Variants in ITGA8 observed in about 807,000 individuals in gnomAD.
ITGA8 encodes integrin subunit alpha 8, also known as integrin alpha-8.
Under a neutral mutation model 142.3 loss-of-function variants are expected in ITGA8, and 91 were observed. That is an observed-to-expected ratio of 0.64 (90% confidence interval 0.54 to 0.76). The LOEUF is 0.76. ITGA8 is among the 30% of genes least tolerant of loss of function. The pLI is 0.00. For missense variants in ITGA8, 1,406 were observed against 1,327.7 expected, an observed-to-expected ratio of 1.06 and a Z score of -0.92; for synonymous variants, 505 against 485.2, an observed-to-expected ratio of 1.04 and a Z score of -0.54.
intron 2 of ITGA8, among the ~76,000 whole-genome samples, chr10:15,698,697 A>G (rs548913080): frequency 2.0e-5 from 3 of 152,180 alleles, no homozygotes; most frequent in African/African-American, 7.2e-5. Context: ...CTTCTTGGCC[A>G]TTTGTATATC....
rs1014919798 is a variant in ITGA8, at chr10:15,688,302, C to A, written c.344-264G>T. Among the ~76,000 whole-genome samples the A allele has an allele frequency of 1.7e-3, 196 of 112,688 alleles. No individual in the cohort carries two copies. Among genetic ancestry groups the A allele is most frequent in the Middle Eastern group, 5.0e-3 (1 of 200 alleles). 73.9% of individuals were successfully genotyped at this position (112,688 alleles called of 152,430 possible). A position where few individuals can be genotyped will look rare whatever the true frequency, so the allele number is the denominator to read the frequency against. On this transcript the variant is annotated intron_variant, in intron 2 of 29. Transcript: ENST00000378076. ...AAACCCTGTCTCTACCAAAAAATAC[C>A]AAAAAAAAAAAAAAAAAAAAATGCT...
intron 23 of ITGA8, among the ~76,000 whole-genome samples, chr10:15,578,390 G>C (rs1834338008): frequency 6.6e-6 from 1 of 152,096 alleles, no homozygotes; most frequent in Non-Finnish European, 1.5e-5. Context: ...GATGTACCAT[G>C]ATTTGTTTAA....
rs1301588815 is a variant in ITGA8 at position 15,608,232 on chromosome 10, T to A, written c.1609+3A>T. On this transcript the variant is annotated splice_donor_region_variant and intron_variant, in intron 16 of 29. Transcript: ENST00000378076. ...AAGAATGTAAAAATGAAAACATGCT[T>A]ACCTATTGTGTTTGCAATGCTCTGG... 5 of 1,590,060 alleles carry A rather than the reference T, an allele frequency of 3.1e-6. No individual in the cohort carries two copies. In the Admixed American group the frequency reaches 8.8e-5, roughly 28 times the overall value.
chr10:15,637,467 T>C (rs1454163823), intron 13 of ITGA8, among the ~76,000 whole-genome samples: 1 of 151,984 alleles, frequency 6.6e-6, no homozygotes, highest in Non-Finnish European at 1.5e-5. Context: ...ACTCAGGTAA[T>C]CCGATTTTCC....
chr10:15,573,849 C>T (rs7910914), intron 24 of ITGA8, among the ~76,000 whole-genome samples: 18,145 of 151,804 alleles, frequency 0.12, 1,835 homozygotes, highest in East Asian at 0.29. Context: ...GGAATAACTA[C>T]TCTTTACTGC....
chr10:15,609,197 A>G (rs1036044341), intron 15 of ITGA8, among the ~76,000 whole-genome samples: 6 of 152,090 alleles, frequency 3.9e-5, no homozygotes, highest in African/African-American at 1.4e-4. Context: ...TGTTGAATGA[A>G]AGTGCTCACC....
chr10:15,642,032 G>T (rs1285971000), intron 13 of ITGA8, among the ~76,000 whole-genome samples: 1 of 152,180 alleles, frequency 6.6e-6, no homozygotes, highest in Non-Finnish European at 1.5e-5. Flanking sequence ...GGAGGCTGAG[G>T]CAGGAGGACC....
intron 28 of ITGA8, among the ~76,000 whole-genome samples, chr10:15,530,046 T>C (rs774419681): frequency 6.6e-5 from 10 of 152,206 alleles, no homozygotes; most frequent in Non-Finnish European, 1.3e-4. Context: ...AATCCTAATA[T>C]TGTTTTTTGG....
intron 13 of ITGA8, among the ~76,000 whole-genome samples, chr10:15,643,359 A>G (rs1469547027): frequency 3.9e-5 from 6 of 152,286 alleles, no homozygotes; most frequent in Middle Eastern, 3.4e-3. Context: ...GGCTCAGTGC[A>G]GCCTCCGCCT....
chr10:15,651,106 A>G (rs1450361275), intron 11 of ITGA8, among the ~76,000 whole-genome samples: 5 of 152,200 alleles, frequency 3.3e-5, no homozygotes, highest in Admixed American at 3.3e-4. Flanking sequence ...GGTTAGAAAC[A>G]ATGGTAGTGC....
chr10:15,542,842 C>G (rs571118124), intron 27 of ITGA8, among the ~76,000 whole-genome samples: 1 of 152,300 alleles, frequency 6.6e-6, no homozygotes, highest in Admixed American at 6.5e-5. Context: ...CATTCATATA[C>G]AAGCATGTAT....
At position 15,534,910 on chromosome 10, in the gene ITGA8, C is replaced by A. The variant is rs572324531; in HGVS notation, c.2881-3759G>T. 2.6e-5 allele frequency among the ~76,000 whole-genome samples: 4 copies of A among 152,340 alleles called. No homozygotes were observed. The South Asian group carries it at 8.3e-4, about 32-fold the overall frequency. ...CAGCCCGCGGCTGCACTGTGGGAGC[C>A]CCTTCCTGGGCTGGCCGAGGCCGGA... is the stretch of plus-strand genomic sequence containing the variant. On this transcript the variant is annotated intron_variant, in intron 27 of 29. Coordinates refer to ENST00000378076, the MANE Select transcript of ITGA8 (RefSeq NM_003638.3).
rs987141638 is a variant in ITGA8, at chr10:15,516,161, C to T, written c.*997G>A. On this transcript the variant is annotated 3_prime_UTR_variant, in exon 30 of 30. Transcript: ENST00000378076. The stretch of plus-strand genomic sequence containing the variant: ...AATGTTTACCCATAATGTTAAATTG[C>T]TTTTTAATTAATGAACTCTAGACAT... The T allele has an allele frequency of 2.0e-5, 3 of 152,182 alleles. No homozygotes were observed. The highest frequency in any genetic ancestry group is 4.8e-5 in the African/African-American group (2 of 41,530). 9.4% of individuals were successfully genotyped at this position (152,182 alleles called of 1,614,324 possible). A position where few individuals can be genotyped will look rare whatever the true frequency, so the allele number is the denominator to read the frequency against.
intron 2 of ITGA8, among the ~76,000 whole-genome samples, chr10:15,691,330 C>G (rs1208946822): frequency 6.6e-6 from 1 of 152,184 alleles, no homozygotes; most frequent in Non-Finnish European, 1.5e-5. Flanking sequence ...ATCCAGCAAT[C>G]CCACTACTGG....
At chr10:15,715,812 C>T (rs1423749354) in intron 2 of ITGA8, among the ~76,000 whole-genome samples, 1 of 152,232 alleles carries the variant, frequency 6.6e-6, no homozygotes, top group African/African-American at 2.4e-5. Flanking sequence ...TCTTCACTTG[C>T]ACAGCATTGC....
At position 15,517,386 on chromosome 10, in the gene ITGA8, G is replaced by A. The variant is rs939943823; in HGVS notation, c.3106-142C>T. On this transcript the variant is annotated intron_variant, in intron 29 of 29. Coordinates refer to ENST00000378076, the MANE Select transcript of ITGA8 (RefSeq NM_003638.3). ...ATTCCCCAGGCTGGAGTACAGTGGC[G>A]TGATCTTGGCTCACTGCAACCTCCG... 2.8e-5 allele frequency: 14 copies of A among 496,326 alleles called. No individual in the cohort carries two copies. In the East Asian group the frequency reaches 3.7e-4, roughly 13 times the overall value. 30.7% of individuals were successfully genotyped at this position (496,326 alleles called of 1,614,324 possible).
intron 2 of ITGA8, among the ~76,000 whole-genome samples, chr10:15,696,795 T>G (rs1369271035): frequency 1.5e-5 from 2 of 136,276 alleles, no homozygotes; most frequent in Non-Finnish European, 3.0e-5. Flanking sequence ...AGTTCAAGGC[T>G]ACAGTAAGCT....
At chr10:15,659,200 A>G (rs1834240954) in intron 9 of ITGA8, 145 bp from the exon 10 acceptor site, 5 of 516,170 alleles carry the variant, frequency 9.7e-6, no homozygotes, top group Non-Finnish European at 3.3e-6. Flanking sequence ...AAGCCCACGG[A>G]ATGATCTTAT....
intron 2 of ITGA8, among the ~76,000 whole-genome samples, chr10:15,693,356 A>G (rs1834969181): frequency 6.6e-6 from 1 of 152,194 alleles, no homozygotes; most frequent in Non-Finnish European, 1.5e-5. Context: ...TAAACTTTCA[A>G]TTGAGTTTAC....
Sources: allele counts gnomAD v4.1 joint callset (sites outside exome capture counted in the v4.1 genomes callset), GRCh38; gene constraint gnomAD v4.1.1; transcripts MANE v1.5; gene names NCBI Gene and HGNC (gene_info 2026-07-23, HGNC 2026-07-21).